The following GRID2 variants were observed in gnomAD, a reference collection of about 807,000 sequenced individuals.
The protein encoded by GRID2 is glutamate ionotropic receptor delta type subunit 2, also known as glutamate receptor ionotropic, delta-2.
Under a neutral mutation model 114.8 loss-of-function variants are expected in GRID2, and 33 were observed. The ratio of observed to expected loss-of-function variants is 0.29; its 90% confidence interval spans 0.22 to 0.38. The LOEUF is 0.38. GRID2 is among the 10% of genes least tolerant of loss of function. The pLI is 1.00. For synonymous variants in GRID2, 505 were observed against 449.9 expected, an observed-to-expected ratio of 1.12 and a Z score of -1.55; for missense variants, 1,184 against 1,257.7, an observed-to-expected ratio of 0.94 and a Z score of 0.89.
intron 1 of GRID2, among the ~76,000 whole-genome samples, chr4:93,788,187 A>G (rs1734630114): frequency 6.6e-6 from 1 of 151,998 alleles, no homozygotes; most frequent in East Asian, 1.9e-4. Context: ...GCATGGTGGC[A>G]GGCACCTGTA....
chr4:92,733,239 C>A (rs1466350843), intron 2 of GRID2, among the ~76,000 whole-genome samples: 1 of 152,030 alleles, frequency 6.6e-6, no homozygotes, highest in African/African-American at 2.4e-5. Flanking sequence ...AATGGAAAAC[C>A]CTGCAAACCT....
intron 2 of GRID2, among the ~76,000 whole-genome samples, chr4:92,939,819 G>T (rs1479186416): frequency 6.8e-6 from 1 of 147,196 alleles, no homozygotes; most frequent in East Asian, 2.1e-4. Context: ...TAATTAAATA[G>T]GGAATCCTTT....
chr4:92,991,023 A>G (rs918560114), intron 2 of GRID2, among the ~76,000 whole-genome samples: 3 of 152,186 alleles, frequency 2.0e-5, no homozygotes, highest in Admixed American at 2.0e-4. Context: ...TCAATATGCC[A>G]AGAATTACAC....
At chr4:92,388,119 T>C (rs1320972555) in intron 1 of GRID2, among the ~76,000 whole-genome samples, 1 of 152,112 alleles carries the variant, frequency 6.6e-6, no homozygotes, top group Non-Finnish European at 1.5e-5. Context: ...TTTGCTCATC[T>C]TCTGCTAGAG....
intron 13 of GRID2, among the ~76,000 whole-genome samples, chr4:93,544,300 TA>T (rs1732975676): frequency 6.6e-6 from 1 of 151,790 alleles, no homozygotes; most frequent in African/African-American, 2.4e-5. Context: ...GCATTTAAAA[TA>T]AGCAAGTATA....
intron 2 of GRID2, among the ~76,000 whole-genome samples, chr4:92,915,130 C>G (rs1008469770): frequency 2.4e-4 from 36 of 152,040 alleles, no homozygotes; most frequent in African/African-American, 7.0e-4. Flanking sequence ...GGAAGAGTCC[C>G]TTATTAAACC....
At chr4:92,982,160 T>C (rs1250644802) in intron 2 of GRID2, among the ~76,000 whole-genome samples, 2 of 151,716 alleles carry the variant, frequency 1.3e-5, no homozygotes, top group African/African-American at 4.8e-5. Flanking sequence ...TAATGAACTG[T>C]GAAATGGTCA....
intron 2 of GRID2, among the ~76,000 whole-genome samples, chr4:93,044,443 C>G (rs558365824): frequency 1.3e-4 from 19 of 151,516 alleles, no homozygotes; most frequent in Non-Finnish European, 2.5e-4. Flanking sequence ...TATTTCAGAA[C>G]CACGTTCAAA....
chr4:92,706,508 TAACCACTCAA>T (rs1281770839), intron 2 of GRID2, among the ~76,000 whole-genome samples: 1 of 134,128 alleles, frequency 7.5e-6, no homozygotes, highest in Non-Finnish European at 1.6e-5. Context: ...CAGATGTGGA[TAACCACTCAA>T]ATAGTGGTTA....
chr4:93,176,096 C>T (rs1175138267), intron 4 of GRID2, among the ~76,000 whole-genome samples: 1 of 152,042 alleles, frequency 6.6e-6, no homozygotes, highest in Non-Finnish European at 1.5e-5. Context: ...AGTTAATAAG[C>T]AAATGGGTAT....
intron 13 of GRID2, among the ~76,000 whole-genome samples, chr4:93,571,019 A>G (rs1270370172): frequency 6.6e-6 from 1 of 152,190 alleles, no homozygotes; most frequent in African/African-American, 2.4e-5. Context: ...TTTATAAAAC[A>G]TAGAGAGCGA....
intron 2 of GRID2, among the ~76,000 whole-genome samples, chr4:92,894,863 G>A (rs1578407642): frequency 6.6e-6 from 1 of 151,966 alleles, no homozygotes; most frequent in Non-Finnish European, 1.5e-5. Flanking sequence ...CTTGTATTTA[G>A]GGTAAAGTTG....
rs574552355 is a variant in GRID2, at chr4:93,697,865, G to GTATATATATATATATATATA, written c.2361-71344_2361-71343insATATATATATATATATATAT. Among the ~76,000 whole-genome samples, 384 of 74,840 alleles carry GTATATATATATATATATATA rather than the reference G, an allele frequency of 5.1e-3. 7 individuals carry two copies. Among genetic ancestry groups the GTATATATATATATATATATA allele is most frequent in the African/African-American group, 0.013 (368 of 27,672 alleles). 49.1% of individuals were successfully genotyped at this position (74,840 alleles called of 152,430 possible). On this transcript the variant is annotated intron_variant, in intron 14 of 15. Coordinates refer to ENST00000282020, the MANE Select transcript of GRID2 (RefSeq NM_001510.4). ...TGGCTCAATTTAGTCATTCCACAAT[G>GTATATATATATATATATATA]TGTGTATATATATATTTCAAAACAA...
intron 2 of GRID2, among the ~76,000 whole-genome samples, chr4:92,800,944 A>G (rs919804193): frequency 6.6e-6 from 1 of 151,988 alleles, no homozygotes; most frequent in African/African-American, 2.4e-5. Context: ...AAGCTCTCTT[A>G]AGCCTCCGTT....
At chr4:92,632,584 A>G (rs1364027856) in intron 2 of GRID2, among the ~76,000 whole-genome samples, 1 of 152,058 alleles carries the variant, frequency 6.6e-6, no homozygotes, top group Non-Finnish European at 1.5e-5. Context: ...GTGAGCCGAG[A>G]TCGCACCACT....
chr4:92,704,722 T>TC (rs1491091946), intron 2 of GRID2, among the ~76,000 whole-genome samples: 357 of 142,304 alleles, frequency 2.5e-3, no homozygotes, highest in African/African-American at 5.0e-3. Flanking sequence ...TCTCTCTCTC[T>TC]TTCTCTCTCT....
intron 14 of GRID2, among the ~76,000 whole-genome samples, chr4:93,752,644 A>G (rs1390894550): frequency 2.0e-5 from 3 of 152,142 alleles, no homozygotes; most frequent in African/African-American, 7.2e-5. Flanking sequence ...TGCTGGGATT[A>G]CAGGCATGAG....
intron 2 of GRID2, among the ~76,000 whole-genome samples, chr4:92,668,968 A>G (rs1371154892): frequency 6.6e-6 from 1 of 151,860 alleles, no homozygotes; most frequent in African/African-American, 2.4e-5. Flanking sequence ...GTATAGCTTG[A>G]TAGTATTTGG....
At chr4:92,896,257 G>T (rs1747158454) in intron 2 of GRID2, among the ~76,000 whole-genome samples, 1 of 152,174 alleles carries the variant, frequency 6.6e-6, no homozygotes, top group African/African-American at 2.4e-5. Context: ...ATGTAGCCAG[G>T]TGTTCCCCTC....
Sources: gnomAD v4.1 joint callset for allele counts (sites outside exome capture counted in the v4.1 genomes callset) on GRCh38, gnomAD v4.1.1 for gene constraint, MANE v1.5 for transcripts, NCBI Gene and HGNC (gene_info 2026-07-23, HGNC 2026-07-21) for gene names.